The following OR2L13 variants were observed in gnomAD, a reference collection of about 807,000 sequenced individuals.
The protein encoded by OR2L13 is olfactory receptor 2L13.
In OR2L13, 14 loss-of-function variants were observed where a neutral mutation model predicts 15.3. The observed-to-expected ratio is 0.91, with a 90% confidence interval of 0.60 to 1.43. The LOEUF (loss-of-function observed/expected upper bound fraction) is 1.43. Ranked by LOEUF, OR2L13 falls within the 40% of genes most tolerant of loss-of-function variation. The pLI is 0.00. For missense variants in OR2L13, 367 were observed against 387.9 expected (o/e 0.95, Z 0.45); for synonymous variants, 152 against 142.9 (o/e 1.06, Z -0.45).
chr1:248,049,135 C>T, the OR2L13 span, among the ~76,000 whole-genome samples: 1 of 152,120 alleles, frequency 6.6e-6, no homozygotes, highest in Admixed American at 6.5e-5. Flanking sequence ...CCTTGGTTCC[C>T]AACTCTGTCA....
At chr1:247,948,893 C>T in the OR2L13 span, 1 of 1,611,888 alleles carries the variant, frequency 6.2e-7, no homozygotes, top group Admixed American at 1.7e-5. Context: ...CTGATTTCAT[C>T]TTATTGGGGC....
the OR2L13 span, among the ~76,000 whole-genome samples, chr1:247,994,763 A>T: frequency 6.6e-6 from 1 of 152,216 alleles, no homozygotes; most frequent in Non-Finnish European, 1.5e-5. Context: ...TTAGTAAAAA[A>T]AATCATAACT....
chr1:248,006,875 G>A, the OR2L13 span, among the ~76,000 whole-genome samples: 7 of 152,094 alleles, frequency 4.6e-5, no homozygotes, highest in Non-Finnish European at 8.8e-5. Flanking sequence ...CAGTCACTTC[G>A]TCTTAAATTT....
the OR2L13 span, among the ~76,000 whole-genome samples, chr1:248,034,330 C>T: frequency 6.6e-6 from 1 of 152,108 alleles, no homozygotes; most frequent in Non-Finnish European, 1.5e-5. Flanking sequence ...AAAGAGTCTG[C>T]ATAGCCAAAG....
At chr1:248,030,649 C>A in the OR2L13 span, among the ~76,000 whole-genome samples, 1 of 151,960 alleles carries the variant, frequency 6.6e-6, no homozygotes, top group Non-Finnish European at 1.5e-5. Context: ...TGCGATTGTA[C>A]GATGCTCATT....
chr1:248,038,849 T>C, the OR2L13 span: 1 of 1,614,094 alleles, frequency 6.2e-7, no homozygotes, highest in Non-Finnish European at 8.5e-7. Context: ...CTTGGGTCTA[T>C]GAGAGCACAG....
chr1:248,065,457 A>G, the OR2L13 span, among the ~76,000 whole-genome samples: 4 of 150,772 alleles, frequency 2.7e-5, no homozygotes, highest in Admixed American at 1.3e-4. Flanking sequence ...ATTATACTGT[A>G]AGTTTTAGGG....
In OR2L13 at chr1:248,099,748, A is replaced by G. The variant is rs1664812726; in HGVS notation, c.373A>G (p.Ile125Val). 2.8e-5 allele frequency: 45 copies of G among 1,613,998 alleles called. No individual in the cohort carries two copies. Among genetic ancestry groups the G allele is most frequent in the Non-Finnish European group, 3.7e-5 (44 of 1,180,022 alleles). Residue 125 changes from isoleucine (I) to valine (V), a missense_variant, in exon 3 of 3, where the codon ATC becomes GTC. Ile to Val is a conservative substitution (Grantham distance 29). Transcript: ENST00000641714. ...CATGGCCTACGACCGTTATTTGGCC[A>G]TCTGCCACTCTCTCTATTATCCTAT...
chr1:247,966,410 T>C, the OR2L13 span: 9 of 1,415,246 alleles, frequency 6.4e-6, no homozygotes, highest in African/African-American at 1.4e-5. Flanking sequence ...GTTTTCTGTA[T>C]AGAAGTCACA....
At chr1:248,072,739 G>T in the OR2L13 span, among the ~76,000 whole-genome samples, 3 of 151,688 alleles carry the variant, frequency 2.0e-5, no homozygotes, top group African/African-American at 7.3e-5. Context: ...CTGACAAAGG[G>T]CTAATATCCA....
chr1:247,993,560 T>C, the OR2L13 span, among the ~76,000 whole-genome samples: 5 of 152,092 alleles, frequency 3.3e-5, no homozygotes, highest in African/African-American at 4.8e-5. Flanking sequence ...AGGAGTACCA[T>C]GCCCCTCATT....
At chr1:248,042,687 G>A in the OR2L13 span, among the ~76,000 whole-genome samples, 2 of 151,916 alleles carry the variant, frequency 1.3e-5, no homozygotes, top group South Asian at 2.1e-4. Flanking sequence ...AGTTAACTTA[G>A]GTCTTTTGTT....
chr1:247,981,239 A>G, the OR2L13 span, among the ~76,000 whole-genome samples: 1 of 152,238 alleles, frequency 6.6e-6, no homozygotes. Context: ...ATGAATCCAC[A>G]TATAATAATC....
chr1:247,963,127 G>A, the OR2L13 span, among the ~76,000 whole-genome samples: 1 of 152,108 alleles, frequency 6.6e-6, no homozygotes, highest in Non-Finnish European at 1.5e-5. Flanking sequence ...GAATAAAAAG[G>A]TGCCTACTCA....
chr1:247,963,571 C>T, the OR2L13 span, among the ~76,000 whole-genome samples: 2 of 152,262 alleles, frequency 1.3e-5, no homozygotes, highest in South Asian at 4.1e-4. Context: ...GTTGAAACTC[C>T]AGATTTCAGA....
At chr1:247,962,759 A>G in the OR2L13 span, among the ~76,000 whole-genome samples, 2 of 152,180 alleles carry the variant, frequency 1.3e-5, no homozygotes, top group African/African-American at 4.8e-5. Context: ...CGCCAAATTT[A>G]ATTGTTCCTA....
the OR2L13 span, among the ~76,000 whole-genome samples, chr1:248,020,348 T>C: frequency 6.6e-6 from 1 of 152,078 alleles, no homozygotes; most frequent in East Asian, 1.9e-4. Flanking sequence ...TCCAGAAAAC[T>C]CCTAGAACTA....
At chr1:248,010,145 A>C in the OR2L13 span, among the ~76,000 whole-genome samples, 2 of 152,178 alleles carry the variant, frequency 1.3e-5, no homozygotes, top group East Asian at 1.9e-4. Flanking sequence ...TATTCTGCAT[A>C]GTATTGGAAG....
the OR2L13 span, among the ~76,000 whole-genome samples, chr1:248,081,253 T>G: frequency 6.6e-6 from 1 of 152,266 alleles, no homozygotes; most frequent in South Asian, 2.1e-4. Context: ...AAATTTTTAT[T>G]TTATATTTAA....
Sources: gnomAD v4.1 joint callset for allele counts (sites outside exome capture counted in the v4.1 genomes callset) on GRCh38, gnomAD v4.1.1 for gene constraint, MANE v1.5 for transcripts, NCBI Gene and HGNC (gene_info 2026-07-23, HGNC 2026-07-21) for gene names.